Variants in MYO3A observed in about 807,000 individuals in gnomAD.
The protein encoded by MYO3A is myosin IIIA, also known as myosin-IIIa.
In MYO3A, 180 loss-of-function variants were observed where a neutral mutation model predicts 192.7. That is an observed-to-expected ratio of 0.93 (90% CI 0.83 to 1.06). The LOEUF (loss-of-function observed/expected upper bound fraction) is 1.06, where lower values mean the gene tolerates loss of function less well. Ranked by LOEUF, MYO3A falls within the 50% of genes least tolerant of loss-of-function variation. The pLI is 0.00. For missense variants in MYO3A, 1,896 were observed against 1,905.0 expected, an observed-to-expected ratio of 1.00 and a Z score of 0.09; for synonymous variants, 628 against 645.3, an observed-to-expected ratio of 0.97 and a Z score of 0.41.
intron 4 of MYO3A, among the ~76,000 whole-genome samples, chr10:25,982,237 G>A (rs142320778): frequency 0.015 from 2,267 of 152,148 alleles, 18 homozygotes; most frequent in Non-Finnish European, 0.022. Context: ...CAGCCACAGC[G>A]AGCCCCACCC....
intron 17 of MYO3A, among the ~76,000 whole-genome samples, chr10:26,117,071 A>G (rs1838552254): frequency 6.6e-6 from 1 of 152,114 alleles, no homozygotes; most frequent in South Asian, 2.1e-4. Flanking sequence ...TCCCCTGGGC[A>G]TATTTCAGGT....
intron 4 of MYO3A, among the ~76,000 whole-genome samples, chr10:25,967,355 C>T (rs1046077515): frequency 3.9e-5 from 6 of 152,148 alleles, no homozygotes; most frequent in East Asian, 1.9e-4. Flanking sequence ...CTTCACTGAA[C>T]GCCTGAGACA....
chr10:26,106,581 T>G (rs548094464), intron 17 of MYO3A, among the ~76,000 whole-genome samples: 1 of 152,114 alleles, frequency 6.6e-6, no homozygotes, highest in Non-Finnish European at 1.5e-5. Context: ...TGAGTCTAGT[T>G]TCTGATTTTA....
chr10:26,080,682 T>C (rs1835869870), intron 14 of MYO3A, among the ~76,000 whole-genome samples: 1 of 152,048 alleles, frequency 6.6e-6, no homozygotes, highest in Non-Finnish European at 1.5e-5. Context: ...TTGGGTAGGC[T>C]CTATCAGAGG....
intron 20 of MYO3A, among the ~76,000 whole-genome samples, chr10:26,134,212 T>A (rs1839717906): frequency 6.6e-6 from 1 of 152,194 alleles, no homozygotes; most frequent in Non-Finnish European, 1.5e-5. Context: ...AAAATGGATG[T>A]AAAATAAAAC....
At chr10:26,055,654 A>G (rs1022466850) in intron 10 of MYO3A, among the ~76,000 whole-genome samples, 5 of 152,346 alleles carry the variant, frequency 3.3e-5, no homozygotes, top group African/African-American at 1.2e-4. Context: ...TTGTGTTTAC[A>G]TCAGGGAGAG....
intron 32 of MYO3A, among the ~76,000 whole-genome samples, chr10:26,194,634 G>T (rs1279806381): frequency 6.6e-6 from 1 of 152,296 alleles, no homozygotes; most frequent in East Asian, 1.9e-4. Context: ...CTCCAAGTTA[G>T]CCAGTCTTCT....
intron 30 of MYO3A, among the ~76,000 whole-genome samples, chr10:26,175,028 C>T (rs79118314): frequency 0.037 from 5,628 of 152,282 alleles, 137 homozygotes; most frequent in Middle Eastern, 0.068. Flanking sequence ...CTGCATGTCA[C>T]ATCATGACAG....
At chr10:26,131,170 C>T (rs559256650) in intron 20 of MYO3A, among the ~76,000 whole-genome samples, 6 of 152,308 alleles carry the variant, frequency 3.9e-5, no homozygotes, top group African/African-American at 7.2e-5. Flanking sequence ...GACAGTTGTA[C>T]AACACTGGAA....
At chr10:26,020,176 A>G (rs1842229018) in intron 7 of MYO3A, among the ~76,000 whole-genome samples, 1 of 152,220 alleles carries the variant, frequency 6.6e-6, no homozygotes, top group South Asian at 2.1e-4. Flanking sequence ...CAGAGCCAGA[A>G]TATTACCAAT....
chr10:25,952,264 C>G lies in MYO3A; in HGVS notation c.154C>G (p.Leu52Val), dbSNP rs1191024582. The G allele has an allele frequency of 6.2e-7, 1 of 1,612,336 alleles. No individual in the cohort carries two copies. The highest frequency in any genetic ancestry group is 8.5e-7 in the Non-Finnish European group (1 of 1,179,008). The change falls in exon 3 of 35, where the codon CTT becomes GTT. Residue 52 changes from leucine (L) to valine (V), a missense_variant. Leu to Val is a conservative substitution (Grantham distance 32). Transcript: ENST00000642920. Reference protein sequence around the residue: ...KNGQKAAVKILDPIHDIDEEI... With the variant: ...KNGQKAAVKIVDPIHDIDEEI... ...TGGCCAAAAAGCAGCAGTCAAAATT[C>G]TTGATCCAATTCACGTAAGTCATAT...
rs761345609 is a variant in MYO3A, at chr10:26,070,131, A to G, written c.1191A>G (p.Gly397=). 1.3e-5 allele frequency: 21 copies of G among 1,610,748 alleles called. No individual in the cohort carries two copies. Among genetic ancestry groups the G allele is most frequent in the Non-Finnish European group, 1.7e-5 (20 of 1,177,226 alleles). ...TTTAGCATTCCAAACTATATATTGG[A>G]TCAAAGAGAACTGCCAGTCCTCCTC... The part of the protein sequence containing the change: ...YSTKHSKLYI[G]SKRTASPPHI... The change falls in exon 13 of 35, where the codon GGA becomes GGG. Residue 397 remains glycine, a synonymous_variant. Transcript: ENST00000642920.
In MYO3A at chr10:26,016,951, C is replaced by T. The variant is rs779920034; in HGVS notation, c.585+55C>T. 4 of 1,494,954 alleles carry T rather than the reference C, an allele frequency of 2.7e-6. No individual in the cohort carries two copies. The African/African-American group carries it at 4.1e-5, about 15-fold the overall frequency. The allele number at this position is 1,494,954 out of a possible 1,614,324, so 92.6% of individuals were successfully genotyped here. A position where few individuals can be genotyped will look rare whatever the true frequency, so the allele number is the denominator to read the frequency against. On this transcript the variant is annotated intron_variant, in intron 7 of 34. Coordinates refer to ENST00000642920, the MANE Select transcript of MYO3A (RefSeq NM_017433.5). ...TAATAGCTGATCCTGTTTGACTTTC[C>T]TTTTTATGTGTACTCTATCTCTGTA...
intron 4 of MYO3A, among the ~76,000 whole-genome samples, chr10:25,967,020 A>G (rs149118917): frequency 6.6e-6 from 1 of 152,362 alleles, no homozygotes; most frequent in Non-Finnish European, 1.5e-5. Context: ...CACAGGCAGA[A>G]GGAAGCTGTT....
intron 9 of MYO3A, among the ~76,000 whole-genome samples, chr10:26,024,971 T>TGTAACTCCAGTGTCTAGCAGA (rs963917308): frequency 7.9e-5 from 12 of 152,226 alleles, no homozygotes; most frequent in East Asian, 3.8e-4. Context: ...TACTTGTCAC[T>TGTAACTCCAGTGTCTAGCAGA]GTAACTCCAG....
chr10:25,997,187 C>T lies in MYO3A; in HGVS notation c.437C>T (p.Thr146Ile). The T allele has an allele frequency of 6.2e-7, 1 of 1,613,406 alleles. No individual in the cohort carries two copies. Among genetic ancestry groups the T allele is most frequent in the Non-Finnish European group, 8.5e-7 (1 of 1,179,500 alleles). The change falls in exon 6 of 35, where the codon ACT becomes ATT. Residue 146 changes from threonine (T) to isoleucine (I), a missense_variant. By Grantham distance (89) the Thr-to-Ile change is moderately conservative (BLOSUM62 -1). Coordinates refer to ENST00000642920, the MANE Select transcript of MYO3A (RefSeq NM_017433.5). ...CTTCAACATTTGCATAACAACAAAACTATCCACAGAGATGTGAAAGGCAAT... is the reference window on the plus strand; with the variant it reads ...CTTCAACATTTGCATAACAACAAAATTATCCACAGAGATGTGAAAGGCAAT... ...MGLQHLHNNKTIHRDVKGNNI... is the reference protein window; with the variant it reads ...MGLQHLHNNKIIHRDVKGNNI...
At position 26,173,688 on chromosome 10, in the gene MYO3A, G is replaced by T; in HGVS notation, c.3424G>T (p.Glu1142Ter). The T allele has an allele frequency of 6.2e-7, 1 of 1,613,764 alleles. No homozygotes were observed. Among genetic ancestry groups the T allele is most frequent in the Non-Finnish European group, 8.5e-7 (1 of 1,179,854 alleles). ...GGAATCTTTCGTGAAGAAACAAGCA[G>T]AAAATGCAATCTCTGCTAATGAAAG... is the stretch of plus-strand genomic sequence containing the variant. ...TRESFVKKQA[E>*]NAISANERFI... is the part of the protein sequence containing the mutation. The change falls in exon 30 of 35, where the codon GAA (glutamate) becomes TAA (stop). Residue 1142 changes from glutamate to a stop codon, truncating the protein, a stop_gained. Transcript: ENST00000642920. LOFTEE classifies it high-confidence loss of function.
intron 6 of MYO3A, among the ~76,000 whole-genome samples, chr10:26,003,249 A>G (rs2130944055): frequency 6.6e-6 from 1 of 152,354 alleles, no homozygotes; most frequent in Non-Finnish European, 1.5e-5. Context: ...ATGAGATAAT[A>G]TTCCTACTTA....
chr10:26,050,643 T>C (rs565639091), intron 10 of MYO3A, among the ~76,000 whole-genome samples: 2 of 152,332 alleles, frequency 1.3e-5, no homozygotes, highest in Admixed American at 6.5e-5. Context: ...AACACAGATA[T>C]CAGATTTATT....
Sources: allele counts gnomAD v4.1 joint callset (sites outside exome capture counted in the v4.1 genomes callset), GRCh38; gene constraint gnomAD v4.1.1; transcripts MANE v1.5; gene names NCBI Gene and HGNC (gene_info 2026-07-23, HGNC 2026-07-21).